The following CYP20A1 variants were observed in gnomAD, a reference collection of about 807,000 sequenced individuals.
CYP20A1 encodes the protein cytochrome P450 20A1.
CYP20A1 carries 61 observed loss-of-function variants against 61.4 expected under a neutral mutation model. The ratio of observed to expected loss-of-function variants is 0.99; its 90% CI spans 0.81 to 1.23. CYP20A1 has a LOEUF of 1.23. Among genes scored for constraint, CYP20A1 ranks in the 50% most tolerant of loss-of-function variants. The pLI, the probability that CYP20A1 is intolerant of heterozygous loss-of-function variation, is 0.00. For synonymous variants in CYP20A1, 193 were observed against 188.2 expected, an observed-to-expected ratio of 1.03 and a Z score of -0.21; for missense variants, 530 against 542.4, an observed-to-expected ratio of 0.98 and a Z score of 0.23.
chr2:203,268,709 A>T (rs2067435505), intron 5 of CYP20A1, among the ~76,000 whole-genome samples: 1 of 151,130 alleles, frequency 6.6e-6, no homozygotes, highest in South Asian at 2.1e-4. Context: ...GTATAATTTT[A>T]TTACATGCAT....
chr2:203,301,195 C>CAA lies in CYP20A1; in HGVS notation c.*4301_*4302dup, dbSNP rs71034235. On this transcript the variant is annotated 3_prime_UTR_variant, in exon 13 of 13. Coordinates refer to ENST00000356079, the MANE Select transcript of CYP20A1 (RefSeq NM_177538.3). ...TGGGCAAGAAGAGTGAAACTCTATC[C>CAA]AAAAAAAAAAAAAAACCATACGTAC... is the stretch of plus-strand genomic sequence containing the variant. 1.7e-3 allele frequency among the ~76,000 whole-genome samples: 210 copies of CAA among 123,018 alleles called. No individual in the cohort carries two copies. Among genetic ancestry groups the CAA allele is most frequent in the East Asian group, 8.5e-3 (35 of 4,122 alleles). 80.7% of individuals were successfully genotyped at this position (123,018 alleles called of 152,430 possible). A position where few individuals can be genotyped will look rare whatever the true frequency, so the allele number is the denominator to read the frequency against.
chr2:203,296,956 C>A lies in CYP20A1; in HGVS notation c.*48C>A, dbSNP rs781453992. On this transcript the variant is annotated 3_prime_UTR_variant, in exon 13 of 13. Transcript: ENST00000356079. Reference sequence around the variant, plus strand: ...TGTTAAATTGATTGAGGAAAACAACCATTTAAAAAAAATCTATGTTGAATC... The same window carrying A: ...TGTTAAATTGATTGAGGAAAACAACAATTTAAAAAAAATCTATGTTGAATC... 17 of 1,126,162 alleles carry A rather than the reference C, an allele frequency of 1.5e-5. No homozygotes were observed. The highest frequency in any genetic ancestry group is 2.0e-5 in the Non-Finnish European group (16 of 800,092). 69.8% of individuals were successfully genotyped at this position (1,126,162 alleles called of 1,614,324 possible).
At chr2:203,263,329 C>T (rs1419133389) in intron 4 of CYP20A1, among the ~76,000 whole-genome samples, 4 of 146,358 alleles carry the variant, frequency 2.7e-5, no homozygotes, top group African/African-American at 7.7e-5. Context: ...CTCCCTCTGT[C>T]GCCAGGCTGG....
At chr2:203,286,723 T>C (rs973613909) in intron 9 of CYP20A1, among the ~76,000 whole-genome samples, 4 of 152,354 alleles carry the variant, frequency 2.6e-5, no homozygotes, top group Admixed American at 2.0e-4. Flanking sequence ...GAAACTATCA[T>C]ATATTACTTG....
chr2:203,246,171 G>C (rs2066454067), intron 2 of CYP20A1, among the ~76,000 whole-genome samples: 1 of 152,290 alleles, frequency 6.6e-6, no homozygotes, highest in Admixed American at 6.5e-5. Context: ...CAGACAGATG[G>C]AATAGAGTAG....
chr2:203,271,886 C>T (rs2067614578), intron 5 of CYP20A1, among the ~76,000 whole-genome samples: 1 of 152,044 alleles, frequency 6.6e-6, no homozygotes, highest in African/African-American at 2.4e-5. Flanking sequence ...ATTAGCTGGG[C>T]ATGGTGGTGG....
At chr2:203,242,951 G>A (rs1473316823) in intron 1 of CYP20A1, among the ~76,000 whole-genome samples, 1 of 152,112 alleles carries the variant, frequency 6.6e-6, no homozygotes, top group African/African-American at 2.4e-5. Context: ...AACCCACACA[G>A]CTGGAAAACA....
intron 4 of CYP20A1, among the ~76,000 whole-genome samples, chr2:203,257,823 G>A (rs897364174): frequency 1.4e-5 from 2 of 141,922 alleles, no homozygotes; most frequent in African/African-American, 5.0e-5. Context: ...TACTTAGTAG[G>A]TGTATATATT....
At chr2:203,296,094 CTG>C (rs962264299) in intron 11 of CYP20A1, among the ~76,000 whole-genome samples, 21 of 152,234 alleles carry the variant, frequency 1.4e-4, no homozygotes, top group African/African-American at 5.1e-4. Flanking sequence ...GAGAACCTGT[CTG>C]TACAAAAAAC....
Position 203,303,730 on chromosome 2 carries a change from A to G in CYP20A1, c.*6822A>G, listed in dbSNP as rs1246059601. ...AAGAAAAAAAGAAAAAGAAAACTTA[A>G]CTGGCCTTTGGGGCACATGCCTGTA... On this transcript the variant is annotated 3_prime_UTR_variant, in exon 13 of 13. Coordinates refer to ENST00000356079, the MANE Select transcript of CYP20A1 (RefSeq NM_177538.3). 6.6e-6 allele frequency among the ~76,000 whole-genome samples: 1 copy of G among 151,780 alleles called. No homozygotes were observed. The highest frequency in any genetic ancestry group is 6.6e-5 in the Admixed American group (1 of 15,208).
At chr2:203,249,664 G>A (rs1029677882) in intron 3 of CYP20A1, among the ~76,000 whole-genome samples, 3 of 152,044 alleles carry the variant, frequency 2.0e-5, no homozygotes, top group Non-Finnish European at 4.4e-5. Context: ...GGCCAACATG[G>A]TGAAACCCCG....
At chr2:203,272,550 CAAAAAA>C (rs368688435) in intron 5 of CYP20A1, 114 bp from the exon 6 acceptor site, 48 of 132,352 alleles carry the variant, frequency 3.6e-4, no homozygotes, top group African/African-American at 1.5e-3. Flanking sequence ...AACCCTGACT[CAAAAAA>C]AAAAAAAAAA....
intron 4 of CYP20A1, among the ~76,000 whole-genome samples, chr2:203,266,198 C>T (rs960765143): frequency 1.3e-5 from 2 of 152,018 alleles, no homozygotes; most frequent in Non-Finnish European, 2.9e-5. Context: ...AATTAGATAC[C>T]AAGAGTATGG....
chr2:203,256,302 G>A (rs555227720), intron 4 of CYP20A1, among the ~76,000 whole-genome samples: 3 of 151,964 alleles, frequency 2.0e-5, no homozygotes, highest in East Asian at 1.9e-4. Context: ...ATAACACCCC[G>A]TGCCTTTCCT....
chr2:203,295,207 A>C (rs2068737687), intron 11 of CYP20A1, among the ~76,000 whole-genome samples: 1 of 151,662 alleles, frequency 6.6e-6, no homozygotes, highest in Admixed American at 6.6e-5. Context: ...GGCCTCCCAA[A>C]GTGCTGGGAT....
chr2:203,270,725 C>CTTTTTTTTTTTTTTTTTTTTTTTTTTT (rs34642332), intron 5 of CYP20A1, among the ~76,000 whole-genome samples: 1 of 141,482 alleles, frequency 7.1e-6, no homozygotes, highest in African/African-American at 2.6e-5. Flanking sequence ...TAAATATTTA[C>CTTTTTTTTTTTTTTTTTTTTTTTTTTT]TTTTTTTTTT....
In CYP20A1 at chr2:203,300,647, T is replaced by C. The variant is rs1575293754; in HGVS notation, c.*3739T>C. On this transcript the variant is annotated 3_prime_UTR_variant, in exon 13 of 13. Transcript: ENST00000356079. ...GCTCACACCTGTAATCCCAGCTCTT[T>C]GGGAGGCCAAGGCGGGTAAATCACC... Among the ~76,000 whole-genome samples the C allele has an allele frequency of 6.6e-6, 1 of 152,202 alleles. No individual in the cohort carries two copies. Among genetic ancestry groups the C allele is most frequent in the African/African-American group, 2.4e-5 (1 of 41,548 alleles).
At chr2:203,256,277 C>CT (rs1318025209) in intron 4 of CYP20A1, among the ~76,000 whole-genome samples, 1 of 152,040 alleles carries the variant, frequency 6.6e-6, no homozygotes, top group Non-Finnish European at 1.5e-5. Flanking sequence ...CCAGTTTCCC[C>CT]TTTTAGATGC....
chr2:203,271,054 GTATA>G lies in CYP20A1; in HGVS notation c.601-1590_601-1587del, dbSNP rs869253470. Among the ~76,000 whole-genome samples the G allele has an allele frequency of 9.3e-3, 374 of 40,260 alleles. 4 individuals carry two copies. The highest frequency in any genetic ancestry group is 0.031 in the African/African-American group (351 of 11,302). The allele number at this position is 40,260 out of a possible 152,430, so 26.4% of individuals were successfully genotyped here. A position where few individuals can be genotyped will look rare whatever the true frequency, so the allele number is the denominator to read the frequency against. ...TGTATATATATATATATGTATATGT[GTATA>G]TATATATATATATATATATATATAT... On this transcript the variant is annotated intron_variant, in intron 5 of 12. Coordinates refer to ENST00000356079, the MANE Select transcript of CYP20A1 (RefSeq NM_177538.3).
Sources: gnomAD v4.1 joint callset for allele counts (sites outside exome capture counted in the v4.1 genomes callset) on GRCh38, gnomAD v4.1.1 for gene constraint, MANE v1.5 for transcripts, NCBI Gene and HGNC (gene_info 2026-07-23, HGNC 2026-07-21) for gene names.